Variants in LPP observed in about 807,000 individuals in gnomAD.
LPP encodes the protein lipoma-preferred partner.
LPP carries 38 observed loss-of-function variants against 60.4 expected under a neutral mutation model. The observed-to-expected ratio is 0.63, with a 90% confidence interval of 0.49 to 0.83. LPP has a LOEUF of 0.83. Ranked by LOEUF, LPP falls within the 40% of genes least tolerant of loss-of-function variation. LPP has a pLI of 0.00. For missense variants in LPP, 902 were observed against 783.6 expected, an observed-to-expected ratio of 1.15 and a Z score of -1.80; for synonymous variants, 328 against 290.8, an observed-to-expected ratio of 1.13 and a Z score of -1.30.
At chr3:188,769,285 T>C (rs568195705) in intron 9 of LPP, among the ~76,000 whole-genome samples, 2 of 152,294 alleles carry the variant, frequency 1.3e-5, no homozygotes, top group East Asian at 3.9e-4. Context: ...TATACAACAA[T>C]GTTTTCAGTG....
intron 4 of LPP, among the ~76,000 whole-genome samples, chr3:188,456,220 T>G (rs781607350): frequency 2.0e-5 from 3 of 152,214 alleles, no homozygotes; most frequent in Non-Finnish European, 2.9e-5. Flanking sequence ...AGAAACCCTG[T>G]ACTACGTATA....
intron 1 of LPP, among the ~76,000 whole-genome samples, chr3:188,213,925 C>T (rs1048157539): frequency 6.7e-6 from 1 of 148,330 alleles, no homozygotes; most frequent in Non-Finnish European, 1.5e-5. Context: ...ATATTATGCC[C>T]ATTCAAAGGT....
intron 9 of LPP, among the ~76,000 whole-genome samples, chr3:188,810,595 T>C (rs957798431): frequency 1.3e-5 from 2 of 152,192 alleles, no homozygotes; most frequent in African/African-American, 4.8e-5. Flanking sequence ...TAAATTATAC[T>C]TTATCATAAG....
At chr3:188,797,183 T>C (rs1464559187) in intron 9 of LPP, among the ~76,000 whole-genome samples, 3 of 152,106 alleles carry the variant, frequency 2.0e-5, no homozygotes, top group Non-Finnish European at 4.4e-5. Flanking sequence ...AGCAGGGCTC[T>C]ATGCAGCTGG....
chr3:188,779,614 A>C (rs1281359321), intron 9 of LPP, among the ~76,000 whole-genome samples: 1 of 151,758 alleles, frequency 6.6e-6, no homozygotes. Flanking sequence ...TTGCAAAGTG[A>C]TTTTGCAATG....
chr3:188,645,465 G>T (rs907974092), intron 7 of LPP, among the ~76,000 whole-genome samples: 4 of 151,996 alleles, frequency 2.6e-5, no homozygotes, highest in Non-Finnish European at 4.4e-5. Context: ...CTGTATTCGG[G>T]GTCCTGTCCT....
rs183968201 is a variant in LPP at position 188,501,698 on chromosome 3, G to A, written c.306+16994G>A. ...CTGGAGGCGGAGGTTGCAGTGAGCC[G>A]AGATCACTCCAGCCTGGGTGACAGA... On this transcript the variant is annotated intron_variant, in intron 5 of 11. Transcript: ENST00000617246. 3.5e-3 allele frequency among the ~76,000 whole-genome samples: 525 copies of A among 149,888 alleles called. 2 individuals are homozygous for A. The highest frequency in any genetic ancestry group is 6.1e-3 in the Admixed American group (92 of 15,118).
intron 6 of LPP, among the ~76,000 whole-genome samples, chr3:188,538,425 T>C (rs764585396): frequency 2.6e-5 from 4 of 152,174 alleles, no homozygotes; most frequent in Non-Finnish European, 5.9e-5. Flanking sequence ...AAGTGGATAA[T>C]ATGCCTAGGA....
At chr3:188,753,888 C>G in intron 8 of LPP, among the ~76,000 whole-genome samples, 2 of 152,160 alleles carry the variant, frequency 1.3e-5, no homozygotes, top group East Asian at 1.9e-4. Flanking sequence ...TCAAGCCTCT[C>G]TATAGAATCA....
At chr3:188,769,768 A>T (rs1163054250) in intron 9 of LPP, among the ~76,000 whole-genome samples, 2 of 152,224 alleles carry the variant, frequency 1.3e-5, no homozygotes, top group Non-Finnish European at 2.9e-5. Flanking sequence ...ATTTGTGGCT[A>T]CAGGTCCAGA....
intron 8 of LPP, among the ~76,000 whole-genome samples, chr3:188,715,071 T>A (rs1713254261): frequency 6.6e-6 from 1 of 152,056 alleles, no homozygotes; most frequent in Non-Finnish European, 1.5e-5. Context: ...TAAAGGAGGC[T>A]CTCAGTTCTA....
intron 1 of LPP, among the ~76,000 whole-genome samples, chr3:188,223,471 A>C (rs1415780097): frequency 6.6e-6 from 1 of 152,238 alleles, no homozygotes; most frequent in Non-Finnish European, 1.5e-5. Context: ...GTTTGTTTGC[A>C]TGGGAACTTC....
chr3:188,843,761 TG>T (rs1352848316), intron 9 of LPP, among the ~76,000 whole-genome samples: 5 of 102,404 alleles, frequency 4.9e-5, no homozygotes, highest in Non-Finnish European at 9.4e-5. Context: ...CACTCCAGCC[TG>T]GGCGACAGAG....
intron 5 of LPP, among the ~76,000 whole-genome samples, chr3:188,504,500 A>G (rs1812881900): frequency 6.6e-6 from 1 of 151,886 alleles, no homozygotes; most frequent in Admixed American, 6.6e-5. Flanking sequence ...ATGTCTTTTG[A>G]TTTTTTGTTG....
chr3:188,387,645 CA>C (rs1378283604), intron 3 of LPP, among the ~76,000 whole-genome samples: 72 of 150,938 alleles, frequency 4.8e-4, no homozygotes, highest in African/African-American at 1.6e-3. Flanking sequence ...CAGCTCACTG[CA>C]ACCTCCGCCT....
At chr3:188,700,629 G>A (rs1864212519) in intron 7 of LPP, among the ~76,000 whole-genome samples, 1 of 152,168 alleles carries the variant, frequency 6.6e-6, no homozygotes, top group South Asian at 2.1e-4. Context: ...TGCCCCAAGT[G>A]TAGTGAAAGT....
chr3:188,730,905 C>T (rs1377931178), intron 8 of LPP, among the ~76,000 whole-genome samples: 1 of 152,206 alleles, frequency 6.6e-6, no homozygotes, highest in African/African-American at 2.4e-5. Context: ...AACATAGCAC[C>T]TCTGACCATT....
chr3:188,387,070 T>G (rs1490583040), intron 3 of LPP, among the ~76,000 whole-genome samples: 2 of 152,112 alleles, frequency 1.3e-5, no homozygotes, highest in Non-Finnish European at 2.9e-5. Context: ...AGTCTCATTT[T>G]CCTGCCTTTA....
intron 4 of LPP, 127 bp from the exon 5 acceptor site, chr3:188,484,465 A>C (rs918330132): frequency 2.7e-5 from 17 of 632,316 alleles, no homozygotes; most frequent in Non-Finnish European, 4.5e-5. Context: ...GATGGGGAAT[A>C]ATTGCTATAC....
Sources: gnomAD v4.1 joint callset for allele counts (sites outside exome capture counted in the v4.1 genomes callset) on GRCh38, gnomAD v4.1.1 for gene constraint, MANE v1.5 for transcripts, NCBI Gene and HGNC (gene_info 2026-07-23, HGNC 2026-07-21) for gene names.